The following MARCHF1 variants were observed in gnomAD, a reference collection of about 807,000 sequenced individuals.
MARCHF1 encodes the protein membrane associated ring-CH-type finger 1, also known as E3 ubiquitin-protein ligase MARCHF1.
A neutral mutation model predicts 54.2 loss-of-function variants in MARCHF1; 40 were observed. The observed-to-expected ratio is 0.74, with a 90% CI of 0.57 to 0.96. The LOEUF (loss-of-function observed/expected upper bound fraction) is 0.96. MARCHF1 is among the 40% of genes least tolerant of loss of function. MARCHF1 has a pLI of 0.00. For missense variants in MARCHF1, 586 were observed against 656.5 expected, an observed-to-expected ratio of 0.89 and a Z score of 1.17; for synonymous variants, 236 against 236.3, an observed-to-expected ratio of 1.00 and a Z score of 0.01.
intron 5 of MARCHF1, among the ~76,000 whole-genome samples, chr4:163,638,211 G>A (rs1394799782): frequency 1.3e-5 from 2 of 148,574 alleles, no homozygotes; most frequent in Non-Finnish European, 3.0e-5. Context: ...CCAGCACAAT[G>A]TGCACATGTA....
intron 5 of MARCHF1, among the ~76,000 whole-genome samples, chr4:163,641,053 T>A (rs1458505142): frequency 6.6e-6 from 1 of 152,134 alleles, no homozygotes; most frequent in Non-Finnish European, 1.5e-5. Flanking sequence ...TTCATTATCA[T>A]GTCAACCTAT....
intron 5 of MARCHF1, among the ~76,000 whole-genome samples, chr4:163,647,921 AT>A (rs1742820830): frequency 6.6e-6 from 1 of 151,730 alleles, no homozygotes; most frequent in South Asian, 2.1e-4. Context: ...AATAAATAAA[AT>A]AATTGTTGGA....
chr4:163,581,625 A>C (rs1327854850), intron 8 of MARCHF1, among the ~76,000 whole-genome samples: 1 of 152,200 alleles, frequency 6.6e-6, no homozygotes, highest in Non-Finnish European at 1.5e-5. Context: ...ATGCTACATC[A>C]AATTAAGGCA....
intron 1 of MARCHF1, among the ~76,000 whole-genome samples, chr4:164,165,061 A>G (rs775020703): frequency 6.6e-6 from 1 of 152,054 alleles, no homozygotes; most frequent in Non-Finnish European, 1.5e-5. Flanking sequence ...TCAGATACCC[A>G]TAAGTTTAAA....
intron 1 of MARCHF1, among the ~76,000 whole-genome samples, chr4:164,350,053 T>C (rs1030778211): frequency 1.3e-4 from 20 of 152,190 alleles, no homozygotes; most frequent in Admixed American, 3.9e-4. Context: ...TAAATTGCAA[T>C]GTTCACAATG....
At chr4:164,334,802 G>A (rs78637389) in intron 1 of MARCHF1, among the ~76,000 whole-genome samples, 2,480 of 152,246 alleles carry the variant, frequency 0.016, 82 homozygotes, top group East Asian at 0.13. Flanking sequence ...CATTCTATAT[G>A]CCATTAAGAA....
intron 1 of MARCHF1, among the ~76,000 whole-genome samples, chr4:164,147,572 A>T (rs1729787872): frequency 7.3e-6 from 1 of 136,600 alleles, no homozygotes; most frequent in South Asian, 2.4e-4. Flanking sequence ...CTATCACAAG[A>T]ACCAAAAACC....
intron 1 of MARCHF1, among the ~76,000 whole-genome samples, chr4:164,165,331 A>G (rs749502786): frequency 1.3e-4 from 20 of 151,560 alleles, no homozygotes; most frequent in Non-Finnish European, 2.8e-4. Flanking sequence ...TAATGTTTTT[A>G]TAGGAAGAAA....
At chr4:163,663,490 A>C (rs1010954570) in intron 5 of MARCHF1, among the ~76,000 whole-genome samples, 1 of 151,924 alleles carries the variant, frequency 6.6e-6, no homozygotes, top group African/African-American at 2.4e-5. Context: ...TTTATCTAGC[A>C]TTTCTATGTT....
At chr4:163,559,150 G>C (rs1294566369) in intron 8 of MARCHF1, among the ~76,000 whole-genome samples, 1 of 151,880 alleles carries the variant, frequency 6.6e-6, no homozygotes, top group Non-Finnish European at 1.5e-5. Flanking sequence ...TTATACAATA[G>C]CTTATTTTTT....
chr4:164,007,644 C>CTG (rs1390093838), intron 2 of MARCHF1, among the ~76,000 whole-genome samples: 197 of 101,652 alleles, frequency 1.9e-3, no homozygotes, highest in African/African-American at 7.5e-3. Flanking sequence ...CTCTCTCTCT[C>CTG]TCTGTGTGTG....
rs745542147 is a variant in MARCHF1, at chr4:163,863,346, A to G, written c.-38-9177T>C. 4.9e-4 allele frequency among the ~76,000 whole-genome samples: 74 copies of G among 152,222 alleles called. 1 individual carries two copies. Among genetic ancestry groups the G allele is most frequent in the Non-Finnish European group, 4.9e-4 (33 of 67,964 alleles). ...TTAAAGGCAAAATATATTGTACATAAGCACTGTGCTCTAGTTCATAACATG... is the reference window on the plus strand; with the variant it reads ...TTAAAGGCAAAATATATTGTACATAGGCACTGTGCTCTAGTTCATAACATG... On this transcript the variant is annotated intron_variant, in intron 3 of 9. Coordinates refer to ENST00000514618, the MANE Select transcript of MARCHF1 (RefSeq NM_001394959.1).
chr4:164,165,257 G>A (rs1730341953), intron 1 of MARCHF1, among the ~76,000 whole-genome samples: 1 of 151,992 alleles, frequency 6.6e-6, no homozygotes, highest in Non-Finnish European at 1.5e-5. Context: ...TGGAGATAGG[G>A]CCTTTATAGA....
At chr4:163,771,046 T>G (rs1449417895) in intron 4 of MARCHF1, among the ~76,000 whole-genome samples, 1 of 152,248 alleles carries the variant, frequency 6.6e-6, no homozygotes, top group African/African-American at 2.4e-5. Flanking sequence ...GATTTACATT[T>G]ATTCCATTAT....
At chr4:164,047,344 T>C (rs1490766760) in intron 2 of MARCHF1, among the ~76,000 whole-genome samples, 1 of 152,160 alleles carries the variant, frequency 6.6e-6, no homozygotes, top group East Asian at 1.9e-4. Flanking sequence ...AGGAGGGGAC[T>C]TTCCTCCAGG....
intron 4 of MARCHF1, among the ~76,000 whole-genome samples, chr4:163,797,455 C>A (rs930254403): frequency 6.6e-6 from 1 of 151,882 alleles, no homozygotes; most frequent in Admixed American, 6.6e-5. Context: ...AATATTATCT[C>A]TTCAAGTATT....
Position 164,316,809 on chromosome 4 carries a change from G to C in MARCHF1, c.-323+67061C>G, listed in dbSNP as rs566623220. Among the ~76,000 whole-genome samples the C allele has an allele frequency of 5.3e-5, 8 of 152,104 alleles. No homozygotes were observed. In the South Asian group the frequency reaches 8.3e-4, roughly 16 times the overall value. ...TCCCCCTTGCTATTCTCCTGGTAGT[G>C]AGTGAGTTCTCACATGATCTGGTTG... On this transcript the variant is annotated intron_variant, in intron 1 of 9. Transcript: ENST00000514618.
intron 1 of MARCHF1, among the ~76,000 whole-genome samples, chr4:164,195,680 C>G (rs1028035045): frequency 1.3e-5 from 2 of 152,042 alleles, no homozygotes; most frequent in Non-Finnish European, 2.9e-5. Context: ...CTAAAACAGA[C>G]CAGGAAGATT....
intron 1 of MARCHF1, among the ~76,000 whole-genome samples, chr4:164,139,771 C>T (rs1756482572): frequency 1.3e-5 from 2 of 152,044 alleles, no homozygotes; most frequent in South Asian, 2.1e-4. Flanking sequence ...TTAAAGAATG[C>T]TATATAAAAC....
Sources: gnomAD v4.1 joint callset for allele counts (sites outside exome capture counted in the v4.1 genomes callset) on GRCh38, gnomAD v4.1.1 for gene constraint, MANE v1.5 for transcripts, NCBI Gene and HGNC (gene_info 2026-07-23, HGNC 2026-07-21) for gene names.